CCDC102A: variants seen among roughly 807,000 people sequenced by gnomAD.
The protein encoded by CCDC102A is coiled-coil domain-containing protein 102A.
A neutral mutation model predicts 55.5 loss-of-function variants in CCDC102A; 40 were observed. The ratio of observed to expected loss-of-function variants is 0.72; its 90% CI spans 0.56 to 0.94. The LOEUF (loss-of-function observed/expected upper bound fraction) is 0.94. Ranked by LOEUF, CCDC102A falls within the 40% of genes least tolerant of loss-of-function variation. The pLI is 0.00. For missense variants in CCDC102A, 779 were observed against 768.6 expected (o/e 1.01, Z -0.16); for synonymous variants, 323 against 339.0 (o/e 0.95, Z 0.52).
intron 1 of CCDC102A, 79 bp downstream of exon 1, chr16:57,536,421 C>T (rs2146730236): frequency 6.6e-6 from 1 of 152,452 alleles, no homozygotes; most frequent in East Asian, 1.9e-4. Context: ...CCCCTTCCTT[C>T]CCGCGGAAGG....
intron 5 of CCDC102A, 37 bp from the exon 6 acceptor site, chr16:57,518,314 G>A (rs868411867): frequency 1.0e-5 from 16 of 1,592,220 alleles, no homozygotes; most frequent in African/African-American, 1.3e-5. Flanking sequence ...ACTCCCAGCG[G>A]AGGGGGCATG....
At chr16:57,524,972 T>C (rs1183752113) in intron 3 of CCDC102A, among the ~76,000 whole-genome samples, 1 of 152,168 alleles carries the variant, frequency 6.6e-6, no homozygotes, top group Non-Finnish European at 1.5e-5. Context: ...CCTCTGCTGT[T>C]TCCCTTTCCT....
Position 57,517,287 on chromosome 16 carries a change from C to T in CCDC102A, c.1248+781G>A, listed in dbSNP as rs373340023. On this transcript the variant is annotated intron_variant, in intron 6 of 8. Transcript: ENST00000258214. ...TGTTATTCCTAACTTCTCTCCATCC[C>T]CTCCCCTAAATCCGCACACTACCAG... Among the ~76,000 whole-genome samples the T allele has an allele frequency of 4.6e-5, 7 of 152,296 alleles. No homozygotes were observed. In the East Asian group the frequency reaches 7.7e-4, roughly 17 times the overall value.
At chr16:57,515,006 T>C (rs1222749751) in intron 8 of CCDC102A, among the ~76,000 whole-genome samples, 1 of 152,104 alleles carries the variant, frequency 6.6e-6, no homozygotes, top group Non-Finnish European at 1.5e-5. Context: ...CCAGTAACGC[T>C]GAGGGCTGCC....
chr16:57,529,098 G>C lies in CCDC102A; in HGVS notation c.80C>G (p.Pro27Arg). 2.5e-6 allele frequency: 3 copies of C among 1,177,680 alleles called. No individual in the cohort carries two copies. Among genetic ancestry groups the C allele is most frequent in the Non-Finnish European group, 3.1e-6 (3 of 953,026 alleles). 73.0% of individuals were successfully genotyped at this position (1,177,680 alleles called of 1,614,324 possible). ...GGCAGGCCCCATGCGCTCCGGCGAC[G>C]GGCTGCCCAGGATGGTCAGGAGGCT... ...KGSLLTILGS[P>R]SPERMGPADS... Residue 27 changes from proline to arginine, a missense_variant, in exon 2 of 9, where the codon CCG becomes CGG. Physicochemically the swap from Pro to Arg is moderately radical, Grantham distance 103 (BLOSUM62 -2). Coordinates refer to ENST00000258214, the MANE Select transcript of CCDC102A (RefSeq NM_033212.4). The surrounding 1 kb of genome is among the most constrained non-coding windows in gnomAD (Gnocchi z 4.1).
chr16:57,529,371 C>T lies in CCDC102A; in HGVS notation c.-147-47G>A, dbSNP rs1338833561. ...ATTGGACTGCGACCACCGTCAGTCTCGAAGATCAGCCGCGCCAAGGCCCTG... is the reference window on the plus strand; with the variant it reads ...ATTGGACTGCGACCACCGTCAGTCTTGAAGATCAGCCGCGCCAAGGCCCTG... On this transcript the variant is annotated intron_variant, in intron 1 of 8. Coordinates refer to ENST00000258214, the MANE Select transcript of CCDC102A (RefSeq NM_033212.4). This position sits in a 1 kb window ranked among gnomAD's most constrained non-coding sequence, Gnocchi z 4.1. The T allele has an allele frequency of 4.6e-6, 3 of 645,612 alleles. No homozygotes were observed. The highest frequency in any genetic ancestry group is 7.4e-5 in the South Asian group (1 of 13,510). The allele number at this position is 645,612 out of a possible 1,614,324, so 40.0% of individuals were successfully genotyped here.
intron 3 of CCDC102A, among the ~76,000 whole-genome samples, chr16:57,523,706 G>A (rs2032088289): frequency 1.3e-5 from 2 of 151,960 alleles, no homozygotes; most frequent in Admixed American, 1.3e-4. Context: ...AGCACTATGG[G>A]AAGCTGAGGT....
chr16:57,522,114 AGAT>A, intron 3 of CCDC102A, among the ~76,000 whole-genome samples: 1 of 152,248 alleles, frequency 6.6e-6, no homozygotes, highest in East Asian at 1.9e-4. Flanking sequence ...CTCGGGGTAG[AGAT>A]GATCTGAGCC....
chr16:57,523,255 C>G (rs548662784), intron 3 of CCDC102A, among the ~76,000 whole-genome samples: 1 of 151,946 alleles, frequency 6.6e-6, no homozygotes, highest in Non-Finnish European at 1.5e-5. Flanking sequence ...CTTAAACAGT[C>G]TAAATTTATT....
intron 1 of CCDC102A, among the ~76,000 whole-genome samples, chr16:57,530,173 G>T (rs1343047094): frequency 6.6e-6 from 1 of 151,940 alleles, no homozygotes; most frequent in African/African-American, 2.4e-5. Context: ...TTCTCTGCCG[G>T]AACCACCCCT....
Position 57,512,381 on chromosome 16 carries a change from G to C in CCDC102A, c.*360C>G. ...CAGCGAAGCCTAGAGAGGCAGCCCAGGGTGGGGCTCCAACAACTGCCCCCA... is the reference window on the plus strand; with the variant it reads ...CAGCGAAGCCTAGAGAGGCAGCCCACGGTGGGGCTCCAACAACTGCCCCCA... On this transcript the variant is annotated 3_prime_UTR_variant, in exon 9 of 9. Coordinates refer to ENST00000258214, the MANE Select transcript of CCDC102A (RefSeq NM_033212.4). 1 of 400,452 alleles carries C rather than the reference G, an allele frequency of 2.5e-6. No homozygotes were observed. The highest frequency in any genetic ancestry group is 3.6e-5 in the East Asian group (1 of 28,100). The allele number at this position is 400,452 out of a possible 1,614,324, so 24.8% of individuals were successfully genotyped here.
intron 3 of CCDC102A, 78 bp downstream of exon 3, chr16:57,525,823 T>C: frequency 2.3e-6 from 3 of 1,290,500 alleles, no homozygotes; most frequent in Non-Finnish European, 3.3e-6. Flanking sequence ...TCTTCGTGAG[T>C]CTAATGTTCT....
chr16:57,523,541 A>G (rs1192885496), intron 3 of CCDC102A, among the ~76,000 whole-genome samples: 2 of 151,052 alleles, frequency 1.3e-5, no homozygotes, highest in East Asian at 3.9e-4. Context: ...TGGTGCATTC[A>G]TACAATCACA....
chr16:57,512,979 C>T (rs2031893121), intron 8 of CCDC102A, 109 bp from the exon 9 acceptor site: 2 of 841,776 alleles, frequency 2.4e-6, no homozygotes, highest in Non-Finnish European at 3.7e-6. Context: ...GCTTTCCCTG[C>T]TGTCTCATCT....
chr16:57,528,968 C>T lies in CCDC102A; in HGVS notation c.210G>A (p.Glu70=). ...CCCGCAGCCGCAGCTCCTCGCGGCT[C>T]TCCCAGTCGCCGTCGGCCAGCAGCG... ...APALLADGDW[E]SREELRLREL... is the part of the protein sequence containing the mutation. Residue 70 remains glutamate, a synonymous_variant, in exon 2 of 9, where the codon GAG becomes GAA. Transcript: ENST00000258214. The T allele has an allele frequency of 2.3e-6, 3 of 1,316,198 alleles. No homozygotes were observed. The highest frequency in any genetic ancestry group is 3.9e-5 in the East Asian group (1 of 25,444). The allele number at this position is 1,316,198 out of a possible 1,614,324, so 81.5% of individuals were successfully genotyped here. A position where few individuals can be genotyped will look rare whatever the true frequency, so the allele number is the denominator to read the frequency against.
At chr16:57,517,294 T>G (rs904706830) in intron 6 of CCDC102A, among the ~76,000 whole-genome samples, 2 of 152,206 alleles carry the variant, frequency 1.3e-5, no homozygotes, top group Non-Finnish European at 2.9e-5. Context: ...TCCCCTCCCC[T>G]AAATCCGCAC....
chr16:57,513,722 G>T (rs1488231297), intron 8 of CCDC102A, among the ~76,000 whole-genome samples: 1 of 152,198 alleles, frequency 6.6e-6, no homozygotes, highest in African/African-American at 2.4e-5. Context: ...TGTGCTGCAG[G>T]GTCAGAGCAG....
chr16:57,512,872 T>C lies in CCDC102A; in HGVS notation c.1524-2A>G. ...GCGTTCTGCTGCTGCCTGCGGAGCCTGTGGGGTGGGGGTGACAGGAGGTTA... is the reference window on the plus strand; with the variant it reads ...GCGTTCTGCTGCTGCCTGCGGAGCCCGTGGGGTGGGGGTGACAGGAGGTTA... On this transcript the variant is annotated splice_acceptor_variant, in intron 8 of 8. Coordinates refer to ENST00000258214, the MANE Select transcript of CCDC102A (RefSeq NM_033212.4). LOFTEE classifies it high-confidence loss of function. 2 of 1,612,670 alleles carry C rather than the reference T, an allele frequency of 1.2e-6. No individual in the cohort carries two copies. Among genetic ancestry groups the C allele is most frequent in the Non-Finnish European group, 1.7e-6 (2 of 1,179,542 alleles).
intron 4 of CCDC102A, among the ~76,000 whole-genome samples, chr16:57,519,771 G>T (rs955896225): frequency 1.3e-5 from 2 of 152,236 alleles, no homozygotes; most frequent in Admixed American, 6.5e-5. Context: ...TGATTCAGGA[G>T]GGTGGAGGCG....
Sources: allele counts gnomAD v4.1 joint callset (sites outside exome capture counted in the v4.1 genomes callset), GRCh38; gene constraint gnomAD v4.1.1; non-coding constraint Gnocchi (gnomAD v3.1); transcripts MANE v1.5; gene names NCBI Gene and HGNC (gene_info 2026-07-23, HGNC 2026-07-21).